The following CSNK1G1 variants were observed in gnomAD, a reference collection of about 807,000 sequenced individuals.
CSNK1G1 encodes the protein casein kinase I isoform gamma-1.
CSNK1G1 carries 22 observed loss-of-function variants against 59.6 expected under a neutral mutation model. The observed-to-expected ratio is 0.37, with a 90% CI of 0.26 to 0.53. The LOEUF (loss-of-function observed/expected upper bound fraction) is 0.53. CSNK1G1 is among the 20% of genes least tolerant of loss of function. The pLI, the probability that CSNK1G1 is intolerant of heterozygous loss-of-function variation, is 0.89. For missense variants in CSNK1G1, 384 were observed against 519.5 expected (o/e 0.74, Z 2.54); for synonymous variants, 179 against 177.1 (o/e 1.01, Z -0.08).
intron 1 of CSNK1G1, among the ~76,000 whole-genome samples, chr15:64,310,956 G>C (rs574682114): frequency 1.4e-5 from 2 of 141,206 alleles, no homozygotes; most frequent in South Asian, 4.5e-4. Context: ...AGTGAGCAGA[G>C]ATCGCACCAC....
chr15:64,329,211 C>T (rs1896996751), intron 1 of CSNK1G1, among the ~76,000 whole-genome samples: 1 of 152,024 alleles, frequency 6.6e-6, no homozygotes, highest in Non-Finnish European at 1.5e-5. Flanking sequence ...CCCAAATCAA[C>T]AGAATATACA....
chr15:64,217,693 A>G (rs1210405837), intron 4 of CSNK1G1, among the ~76,000 whole-genome samples: 7 of 151,854 alleles, frequency 4.6e-5, no homozygotes, highest in African/African-American at 1.5e-4. Flanking sequence ...GCACGCACCT[A>G]TAGTCCCAGC....
At chr15:64,221,738 G>A (rs764420534) in intron 4 of CSNK1G1, among the ~76,000 whole-genome samples, 19 of 151,802 alleles carry the variant, frequency 1.3e-4, no homozygotes, top group African/African-American at 1.5e-4. Flanking sequence ...ACCATCTCAC[G>A]CCAGTCAGAA....
chr15:64,332,675 T>TAAAAA (rs773287028), intron 1 of CSNK1G1, among the ~76,000 whole-genome samples: 109 of 126,254 alleles, frequency 8.6e-4, no homozygotes, highest in Non-Finnish European at 1.5e-3. Context: ...AAAGTATAAT[T>TAAAAA]AAAAATAAAA....
rs113389447 is a variant in CSNK1G1 at position 64,220,096 on chromosome 15, C to CTT, written c.293-3385_293-3384dup. 5.6e-3 allele frequency among the ~76,000 whole-genome samples: 770 copies of CTT among 136,646 alleles called. 12 individuals are homozygous for CTT. Among genetic ancestry groups the CTT allele is most frequent in the Admixed American group, 0.016 (215 of 13,562 alleles). 89.6% of individuals were successfully genotyped at this position (136,646 alleles called of 152,430 possible). On this transcript the variant is annotated intron_variant, in intron 4 of 11. Coordinates refer to ENST00000303052, the MANE Select transcript of CSNK1G1 (RefSeq NM_022048.5). ...CTCCCCTTCTTTTAAAATAACATAA[C>CTT]TTTTTTTTTTTTTTTTGAGACAGAG... is the stretch of plus-strand genomic sequence containing the variant.
chr15:64,335,175 A>G (rs1306688775), intron 1 of CSNK1G1, among the ~76,000 whole-genome samples: 1 of 152,226 alleles, frequency 6.6e-6, no homozygotes, highest in African/African-American at 2.4e-5. Flanking sequence ...ACATATTTCA[A>G]TACCTGATAA....
intron 1 of CSNK1G1, among the ~76,000 whole-genome samples, chr15:64,327,304 T>C (rs887106850): frequency 3.0e-4 from 45 of 149,742 alleles, no homozygotes; most frequent in Admixed American, 2.8e-3. Context: ...GCAGTGGTTC[T>C]CCCAGCACGC....
intron 2 of CSNK1G1, among the ~76,000 whole-genome samples, chr15:64,299,821 C>T (rs1283332007): frequency 1.3e-5 from 2 of 152,100 alleles, no homozygotes; most frequent in Admixed American, 1.3e-4. Context: ...AACAAATTAT[C>T]TTTTGGAAAA....
At chr15:64,205,277 C>T (rs2082161747) in intron 7 of CSNK1G1, among the ~76,000 whole-genome samples, 1 of 152,068 alleles carries the variant, frequency 6.6e-6, no homozygotes, top group Non-Finnish European at 1.5e-5. Flanking sequence ...TTAGTAATAT[C>T]CCATGGCCAC....
In CSNK1G1 at chr15:64,216,843, C is replaced by A; in HGVS notation, c.293-130G>T. On this transcript the variant is annotated intron_variant, in intron 4 of 11. Transcript: ENST00000303052. This position sits in a 1 kb window ranked among gnomAD's most constrained non-coding sequence, Gnocchi z 4.6. ...TGAGATTTCCATTTTCTTTCATAGT[C>A]CCTACTGGAAACTCAAACTGAGCAC... The A allele has an allele frequency of 3.4e-6, 3 of 874,342 alleles. No homozygotes were observed. The highest frequency in any genetic ancestry group is 4.0e-5 in the South Asian group (2 of 49,416). 54.2% of individuals were successfully genotyped at this position (874,342 alleles called of 1,614,324 possible).
At position 64,166,183 on chromosome 15, in the gene CSNK1G1, T is replaced by G. The variant is rs2081601090; in HGVS notation, c.*5748A>C. 3 of 458,866 alleles carry G rather than the reference T, an allele frequency of 6.5e-6. No homozygotes were observed. 28.4% of individuals were successfully genotyped at this position (458,866 alleles called of 1,614,324 possible). On this transcript the variant is annotated 3_prime_UTR_variant, in exon 12 of 12. Coordinates refer to ENST00000303052, the MANE Select transcript of CSNK1G1 (RefSeq NM_022048.5). The surrounding 1 kb of genome is among the most constrained non-coding windows in gnomAD (Gnocchi z 4.5). Reference sequence around the variant, plus strand: ...CTGATTTATACATTATCTAGTTGTTTAAAAATCGCAATCAACATCCCAACA... The same window carrying G: ...CTGATTTATACATTATCTAGTTGTTGAAAAATCGCAATCAACATCCCAACA...
chr15:64,222,115 T>C (rs934074459), intron 4 of CSNK1G1, among the ~76,000 whole-genome samples: 1 of 152,054 alleles, frequency 6.6e-6, no homozygotes, highest in Non-Finnish European at 1.5e-5. Context: ...AACAAGATCA[T>C]GTCCTTTGCA....
At chr15:64,207,715 G>A in intron 6 of CSNK1G1, 121 bp from the exon 7 acceptor site, 1 of 684,330 alleles carries the variant, frequency 1.5e-6, no homozygotes, top group South Asian at 1.7e-5. Flanking sequence ...CTAATTACTT[G>A]TATATTTAAA....
At chr15:64,289,032 G>A (rs12442041) in intron 2 of CSNK1G1, among the ~76,000 whole-genome samples, 26 of 151,846 alleles carry the variant, frequency 1.7e-4, no homozygotes, top group Admixed American at 7.2e-4. Context: ...AAAATTAGCC[G>A]GCCGTGGTGG....
At position 64,324,195 on chromosome 15, in the gene CSNK1G1, C is replaced by T. The variant is rs1252814952; in HGVS notation, c.-224-23472G>A. Among the ~76,000 whole-genome samples the T allele has an allele frequency of 2.0e-5, 3 of 152,150 alleles. No individual in the cohort carries two copies. The East Asian group carries it at 5.8e-4, about 29-fold the overall frequency. The stretch of plus-strand genomic sequence containing the variant: ...CACTGATTACCCAAACCTATAAATA[C>T]CGAAGCATATGATTGTCCTGTGCGA... On this transcript the variant is annotated intron_variant, in intron 1 of 11. Transcript: ENST00000303052.
At chr15:64,238,518 A>AAAAAAATATATATATATATATATAT (rs1555396879) in intron 4 of CSNK1G1, among the ~76,000 whole-genome samples, 1 of 49,246 alleles carries the variant, frequency 2.0e-5, no homozygotes, top group Non-Finnish European at 3.2e-5. Flanking sequence ...AAAAAAAAAA[A>AAAAAAATATATATATATATATATAT]ATATATATAT....
chr15:64,249,067 A>G (rs1440431839), intron 4 of CSNK1G1, among the ~76,000 whole-genome samples: 1 of 152,222 alleles, frequency 6.6e-6, no homozygotes, highest in Non-Finnish European at 1.5e-5. Context: ...AGTTGCAGTG[A>G]GCCGAGATAG....
At chr15:64,180,323 G>A in intron 11 of CSNK1G1, 25 bp downstream of exon 11, 1 of 1,562,214 alleles carries the variant, frequency 6.4e-7, no homozygotes, top group Non-Finnish European at 8.8e-7. Flanking sequence ...CATGACTTAA[G>A]AGCCCCCTTG....
intron 2 of CSNK1G1, among the ~76,000 whole-genome samples, chr15:64,288,931 T>C (rs1424071076): frequency 6.6e-6 from 1 of 152,044 alleles, no homozygotes; most frequent in Non-Finnish European, 1.5e-5. Context: ...TCCCAGGACT[T>C]TGGGAAGCCA....
Sources: allele counts gnomAD v4.1 joint callset (sites outside exome capture counted in the v4.1 genomes callset), GRCh38; gene constraint gnomAD v4.1.1; non-coding constraint Gnocchi (gnomAD v3.1); transcripts MANE v1.5; gene names NCBI Gene and HGNC (gene_info 2026-07-23, HGNC 2026-07-21).